The following CPNE4 variants were observed in gnomAD, a reference collection of about 807,000 sequenced individuals.
The protein encoded by CPNE4 is copine 4.
A neutral mutation model predicts 67.9 loss-of-function variants in CPNE4; 25 were observed. That is an observed-to-expected ratio of 0.37 (90% CI 0.27 to 0.51). The LOEUF is 0.51. Ranked by LOEUF, CPNE4 falls within the 20% of genes least tolerant of loss-of-function variation. CPNE4 has a pLI of 0.93. For missense variants in CPNE4, 464 were observed against 690.8 expected, an observed-to-expected ratio of 0.67 and a Z score of 3.68; for synonymous variants, 242 against 244.9, an observed-to-expected ratio of 0.99 and a Z score of 0.11.
chr3:131,824,996 T>A (rs2085097443), intron 2 of CPNE4, among the ~76,000 whole-genome samples: 1 of 152,052 alleles, frequency 6.6e-6, no homozygotes, highest in Non-Finnish European at 1.5e-5. Flanking sequence ...GGAGTAGAAA[T>A]GAGTTGATTG....
chr3:131,698,782 C>T (rs1044310220), intron 4 of CPNE4, among the ~76,000 whole-genome samples: 1 of 151,602 alleles, frequency 6.6e-6, no homozygotes, highest in Non-Finnish European at 1.5e-5. Context: ...TGGTGGTGGG[C>T]ACCTGTAATC....
intron 2 of CPNE4, among the ~76,000 whole-genome samples, chr3:131,808,520 G>GA (rs34724290): frequency 0.22 from 33,254 of 149,524 alleles, 4,598 homozygotes; most frequent in East Asian, 0.34. Flanking sequence ...AACTCAAAGA[G>GA]AAAAAAAAAG....
chr3:131,785,905 T>C (rs56127337), intron 2 of CPNE4, among the ~76,000 whole-genome samples: 39,848 of 152,012 alleles, frequency 0.26, 5,912 homozygotes, highest in East Asian at 0.43. Flanking sequence ...GGCCTTTGCG[T>C]ATTCAGATAG....
intron 1 of CPNE4, among the ~76,000 whole-genome samples, chr3:131,934,558 C>T (rs1354980920): frequency 1.3e-5 from 2 of 152,152 alleles, no homozygotes; most frequent in African/African-American, 4.8e-5. Context: ...TGCTATCACT[C>T]CTGTAGCCCC....
At chr3:131,663,011 C>T (rs943919968) in intron 7 of CPNE4, among the ~76,000 whole-genome samples, 24 of 152,092 alleles carry the variant, frequency 1.6e-4, no homozygotes, top group Admixed American at 1.2e-3. Context: ...CACATGCACA[C>T]GTATGTTTAT....
intron 7 of CPNE4, among the ~76,000 whole-genome samples, chr3:131,636,788 C>A (rs990765578): frequency 6.6e-6 from 1 of 152,214 alleles, no homozygotes; most frequent in African/African-American, 2.4e-5. Context: ...GAGTCCACTT[C>A]TCTCCCCTGC....
At chr3:131,689,300 G>A (rs1347782949) in intron 5 of CPNE4, among the ~76,000 whole-genome samples, 1 of 152,024 alleles carries the variant, frequency 6.6e-6, no homozygotes, top group Non-Finnish European at 1.5e-5. Context: ...CCTGGTACAC[G>A]GTGAAGACTG....
At chr3:131,898,392 G>T (rs1262995683) in intron 2 of CPNE4, among the ~76,000 whole-genome samples, 1 of 152,066 alleles carries the variant, frequency 6.6e-6, no homozygotes, top group African/African-American at 2.4e-5. Flanking sequence ...GCCTAAGGAT[G>T]GGAGTAAGGC....
At chr3:131,638,402 C>T (rs1048562444) in intron 7 of CPNE4, among the ~76,000 whole-genome samples, 1 of 151,596 alleles carries the variant, frequency 6.6e-6, no homozygotes, top group Non-Finnish European at 1.5e-5. Context: ...AACTTGAAAG[C>T]AGCAGCAGTT....
intron 2 of CPNE4, among the ~76,000 whole-genome samples, chr3:131,804,946 G>C (rs771506150): frequency 1.6e-4 from 24 of 152,184 alleles, no homozygotes; most frequent in Non-Finnish European, 2.8e-4. Flanking sequence ...TCACATAATA[G>C]TGAGTTAAAG....
intron 7 of CPNE4, among the ~76,000 whole-genome samples, chr3:131,587,818 A>G (rs1444960668): frequency 6.6e-6 from 1 of 152,184 alleles, no homozygotes; most frequent in Non-Finnish European, 1.5e-5. Context: ...TGATCTGCCC[A>G]TTTTTCAGAT....
intron 2 of CPNE4, among the ~76,000 whole-genome samples, chr3:131,839,706 G>A (rs2085698910): frequency 6.6e-6 from 1 of 151,854 alleles, no homozygotes. Context: ...CACAGCATAT[G>A]TATGTGTAAC....
chr3:131,975,356 T>C (rs1246121944), intron 1 of CPNE4, among the ~76,000 whole-genome samples: 2 of 152,162 alleles, frequency 1.3e-5, no homozygotes, highest in East Asian at 1.9e-4. Context: ...GGTTGGCAAC[T>C]TGAGTGAGTT....
chr3:131,549,402 A>G (rs190960630), intron 14 of CPNE4, among the ~76,000 whole-genome samples: 1 of 152,252 alleles, frequency 6.6e-6, no homozygotes, highest in Non-Finnish European at 1.5e-5. Context: ...GTGGTAATAT[A>G]TTTACTTCTA....
chr3:131,758,584 G>C (rs1263703101), intron 2 of CPNE4, among the ~76,000 whole-genome samples: 1 of 152,138 alleles, frequency 6.6e-6, no homozygotes, highest in Non-Finnish European at 1.5e-5. Context: ...GCTGAAATGA[G>C]TTAAGATTTT....
intron 2 of CPNE4, among the ~76,000 whole-genome samples, chr3:131,811,160 A>T (rs548824949): frequency 6.6e-5 from 10 of 152,198 alleles, no homozygotes; most frequent in Non-Finnish European, 1.3e-4. Flanking sequence ...GTACAATAAG[A>T]GGGTAGATCT....
At chr3:131,543,249 C>A (rs1935626150) in intron 14 of CPNE4, among the ~76,000 whole-genome samples, 1 of 152,220 alleles carries the variant, frequency 6.6e-6, no homozygotes, top group South Asian at 2.1e-4. Flanking sequence ...TGAGACTACT[C>A]AGCCCTTGAA....
At chr3:131,853,412 A>G (rs1487822697) in intron 2 of CPNE4, among the ~76,000 whole-genome samples, 1 of 151,804 alleles carries the variant, frequency 6.6e-6, no homozygotes, top group Non-Finnish European at 1.5e-5. Context: ...CCTATAAACA[A>G]AATTAATTTG....
In CPNE4 at chr3:131,879,608, C is replaced by G. The variant is rs541807628; in HGVS notation, c.180+25656G>C. Among the ~76,000 whole-genome samples, 9 of 152,168 alleles carry G rather than the reference C, an allele frequency of 5.9e-5. No individual in the cohort carries two copies. The South Asian group carries it at 1.9e-3, about 32-fold the overall frequency. On this transcript the variant is annotated intron_variant, in intron 2 of 15. Transcript: ENST00000429747. ...TCTGTGCTAAAAAGTTTCCATAATTCAAAGCCCATCGGCCCCCTATGATGA... is the reference window on the plus strand; with the variant it reads ...TCTGTGCTAAAAAGTTTCCATAATTGAAAGCCCATCGGCCCCCTATGATGA...
Sources: allele counts gnomAD v4.1 joint callset (sites outside exome capture counted in the v4.1 genomes callset), GRCh38; gene constraint gnomAD v4.1.1; transcripts MANE v1.5; gene names NCBI Gene and HGNC (gene_info 2026-07-23, HGNC 2026-07-21).